SNTB2: variants seen among roughly 807,000 people sequenced by gnomAD.
The protein encoded by SNTB2 is beta-2-syntrophin.
A neutral mutation model predicts 46.2 loss-of-function variants in SNTB2; 34 were observed. That is an observed-to-expected ratio of 0.74 (90% CI 0.56 to 0.98). The LOEUF is 0.98. Ranked by LOEUF, SNTB2 falls within the 50% of genes least tolerant of loss-of-function variation. SNTB2 has a pLI of 0.00. For synonymous variants in SNTB2, 290 were observed against 312.6 expected, an observed-to-expected ratio of 0.93 and a Z score of 0.76; for missense variants, 603 against 731.4, an observed-to-expected ratio of 0.82 and a Z score of 2.02.
intron 1 of SNTB2, among the ~76,000 whole-genome samples, chr16:69,232,422 G>GTC (rs1964515302): frequency 6.7e-6 from 1 of 148,870 alleles, no homozygotes; most frequent in Non-Finnish European, 1.5e-5. Flanking sequence ...AGCCAGGATG[G>GTC]TCTCCATCTC....
intron 2 of SNTB2, among the ~76,000 whole-genome samples, chr16:69,250,861 G>C (rs1964718479): frequency 6.6e-6 from 1 of 151,824 alleles, no homozygotes; most frequent in East Asian, 1.9e-4. Flanking sequence ...GGACACACCA[G>C]GTGACAGAGT....
chr16:69,294,310 C>A (rs1759150913), intron 5 of SNTB2, among the ~76,000 whole-genome samples: 2 of 152,132 alleles, frequency 1.3e-5, no homozygotes, highest in African/African-American at 4.8e-5. Flanking sequence ...AGCCACTGTG[C>A]CCAGCCAGTT....
intron 1 of SNTB2, among the ~76,000 whole-genome samples, chr16:69,209,986 TTGACATTC>T (rs989228757): frequency 6.6e-6 from 1 of 151,888 alleles, no homozygotes; most frequent in Admixed American, 6.6e-5. Context: ...TTTGGTAAGT[TTGACATTC>T]TGACATTCTG....
At chr16:69,232,502 CTTT>C (rs1032986410) in intron 1 of SNTB2, among the ~76,000 whole-genome samples, 22 of 63,878 alleles carry the variant, frequency 3.4e-4, no homozygotes, top group Non-Finnish European at 5.4e-4. Context: ...ACGGTGCGGC[CTTT>C]TTTTTTTTTT....
intron 2 of SNTB2, among the ~76,000 whole-genome samples, chr16:69,255,415 G>T (rs1026435905): frequency 2.0e-5 from 3 of 152,060 alleles, no homozygotes; most frequent in Non-Finnish European, 2.9e-5. Context: ...CAAAAAATTA[G>T]CCTGGCATGG....
intron 1 of SNTB2, among the ~76,000 whole-genome samples, chr16:69,220,698 T>G (rs1964395259): frequency 6.6e-6 from 1 of 151,850 alleles, no homozygotes; most frequent in South Asian, 2.1e-4. Context: ...CTTGGCTAAT[T>G]AAAAAAAATT....
At chr16:69,219,691 A>G (rs1050610710) in intron 1 of SNTB2, among the ~76,000 whole-genome samples, 2 of 152,062 alleles carry the variant, frequency 1.3e-5, no homozygotes, top group African/African-American at 4.8e-5. Flanking sequence ...TTTGTACGCA[A>G]TAGTCATAGA....
chr16:69,234,819 C>T (rs1964541804), intron 1 of SNTB2, among the ~76,000 whole-genome samples: 1 of 151,848 alleles, frequency 6.6e-6, no homozygotes, highest in Non-Finnish European at 1.5e-5. Flanking sequence ...TCTTCTGCCT[C>T]AGCCTCCCAG....
chr16:69,191,731 A>C (rs975364423), intron 1 of SNTB2, among the ~76,000 whole-genome samples: 10 of 151,606 alleles, frequency 6.6e-5, no homozygotes, highest in African/African-American at 2.4e-4. Context: ...AGCTCCGCCT[A>C]CCGGGTTCAC....
At chr16:69,275,763 T>G (rs1964980789) in intron 4 of SNTB2, among the ~76,000 whole-genome samples, 1 of 152,102 alleles carries the variant, frequency 6.6e-6, no homozygotes, top group East Asian at 1.9e-4. Context: ...TTCTTATGAG[T>G]GGATGAGACA....
intron 6 of SNTB2, among the ~76,000 whole-genome samples, chr16:69,300,074 T>G (rs544499147): frequency 4.0e-5 from 6 of 151,312 alleles, no homozygotes; most frequent in Non-Finnish European, 7.4e-5. Context: ...TTTTTTATAT[T>G]CTTTATAGAG....
At chr16:69,274,891 A>G (rs964151931) in intron 4 of SNTB2, among the ~76,000 whole-genome samples, 1 of 152,210 alleles carries the variant, frequency 6.6e-6, no homozygotes, top group Admixed American at 6.5e-5. Context: ...GAATTCAAAC[A>G]TGCTCATACA....
rs181046344 is a variant in SNTB2 at position 69,225,086 on chromosome 16, A to G, written c.581-20516A>G. ...TCCCTGAACTCAGTTAATTCTGCCT[A>G]TTTGGTCTGAAAAGCTCTAATAACA... On this transcript the variant is annotated intron_variant, in intron 1 of 6. Coordinates refer to ENST00000336278, the MANE Select transcript of SNTB2 (RefSeq NM_006750.4). Among the ~76,000 whole-genome samples, 278 of 152,334 alleles carry G rather than the reference A, an allele frequency of 1.8e-3. 1 individual carries two copies. Among genetic ancestry groups the G allele is most frequent in the Non-Finnish European group, 3.2e-3 (216 of 68,026 alleles).
intron 4 of SNTB2, among the ~76,000 whole-genome samples, chr16:69,277,664 G>A (rs1251439108): frequency 1.3e-5 from 2 of 152,186 alleles, no homozygotes; most frequent in Admixed American, 6.5e-5. Flanking sequence ...ATGTGAGGCT[G>A]TAACTGCATA....
chr16:69,205,144 T>A (rs1168888895), intron 1 of SNTB2, among the ~76,000 whole-genome samples: 1 of 151,370 alleles, frequency 6.6e-6, no homozygotes, highest in East Asian at 1.9e-4. Flanking sequence ...GGGAAATACT[T>A]TGTTAACAGA....
At chr16:69,246,903 T>G (rs1200534190) in intron 2 of SNTB2, among the ~76,000 whole-genome samples, 5 of 52,392 alleles carry the variant, frequency 9.5e-5, no homozygotes, top group Non-Finnish European at 1.7e-4. Flanking sequence ...TGTGGTGGGG[T>G]GGGGGGAGGG....
chr16:69,211,748 C>T (rs1357161040), intron 1 of SNTB2, among the ~76,000 whole-genome samples: 2 of 152,146 alleles, frequency 1.3e-5, no homozygotes, highest in Non-Finnish European at 2.9e-5. Flanking sequence ...GTGGGACTCC[C>T]TTAGCAAACA....
chr16:69,208,108 CAA>C (rs887460974), intron 1 of SNTB2, among the ~76,000 whole-genome samples: 20 of 64,400 alleles, frequency 3.1e-4, no homozygotes, highest in Admixed American at 1.3e-3. Flanking sequence ...GACTTCATCT[CAA>C]AAAAAAAAAA....
intron 1 of SNTB2, among the ~76,000 whole-genome samples, chr16:69,220,920 C>T (rs1181364857): frequency 2.0e-5 from 3 of 152,136 alleles, no homozygotes; most frequent in African/African-American, 7.2e-5. Flanking sequence ...CAAAAGTTCC[C>T]CTGTTCCTCA....
Sources: allele counts gnomAD v4.1 joint callset (sites outside exome capture counted in the v4.1 genomes callset), GRCh38; gene constraint gnomAD v4.1.1; transcripts MANE v1.5; gene names NCBI Gene and HGNC (gene_info 2026-07-23, HGNC 2026-07-21).